Variants in ATP6V0E1 observed in about 807,000 individuals in gnomAD.
ATP6V0E1 encodes the protein V-type proton ATPase subunit e 1.
A neutral mutation model predicts 11.6 loss-of-function variants in ATP6V0E1; 4 were observed. The observed-to-expected ratio is 0.35, with a 90% CI of 0.17 to 0.79. The LOEUF (loss-of-function observed/expected upper bound fraction) is 0.79, where lower values mean the gene tolerates loss of function less well. Among genes scored for constraint, ATP6V0E1 ranks in the 30% least tolerant of loss-of-function variants. The probability of loss-of-function intolerance (pLI) is 0.54; values close to 1 mark genes in which losing one functional copy is unlikely to be tolerated. For synonymous variants in ATP6V0E1, 36 were observed against 34.8 expected, an observed-to-expected ratio of 1.04 and a Z score of -0.13; for missense variants, 105 against 100.0, an observed-to-expected ratio of 1.05 and a Z score of -0.21.
intron 1 of ATP6V0E1, among the ~76,000 whole-genome samples, chr5:172,992,746 GTCTA>G (rs751014285): frequency 2.6e-5 from 4 of 152,088 alleles, no homozygotes; most frequent in African/African-American, 9.7e-5. Flanking sequence ...CTTGTTTGTT[GTCTA>G]TCTATGCCAG....
rs1756334568 is a variant in ATP6V0E1 at position 173,012,076 on chromosome 5, G to A, written c.153-8162G>A. Reference sequence around the variant, plus strand: ...TTTTTGAGTCTTGCTGTGTCACCCAGGCTGGAGTGCAGTGGCCCGATCTCA... The same window carrying A: ...TTTTTGAGTCTTGCTGTGTCACCCAAGCTGGAGTGCAGTGGCCCGATCTCA... On this transcript the variant is annotated intron_variant, in intron 2 of 3. Coordinates refer to ENST00000519374, the MANE Select transcript of ATP6V0E1 (RefSeq NM_003945.4). Among the ~76,000 whole-genome samples the A allele has an allele frequency of 2.0e-5, 3 of 148,064 alleles. No homozygotes were observed. The South Asian group carries it at 6.3e-4, about 31-fold the overall frequency.
Position 173,020,245 on chromosome 5 carries a change from A to G in ATP6V0E1, c.160A>G (p.Ile54Val). The change falls in exon 3 of 4, where the codon ATT becomes GTT. Residue 54 changes from isoleucine (I) to valine (V), a missense_variant. Physicochemically the swap from Ile to Val is conservative, Grantham distance 29 (BLOSUM62 3). Transcript: ENST00000519374. ...CTCCCATCCTTCTTTTAGTTGGCTG[A>G]TTGCAATTCTGGCCCAACTCAACCC... is the stretch of plus-strand genomic sequence containing the variant. ...CSVCCYLFWL[I>V]AILAQLNPLF... The G allele has an allele frequency of 6.2e-7, 1 of 1,612,838 alleles. No individual in the cohort carries two copies. Among genetic ancestry groups the G allele is most frequent in the South Asian group, 1.1e-5 (1 of 91,062 alleles).
chr5:172,996,444 C>T (rs991659719), intron 2 of ATP6V0E1, among the ~76,000 whole-genome samples: 1 of 152,018 alleles, frequency 6.6e-6, no homozygotes, highest in Middle Eastern at 3.2e-3. Flanking sequence ...CACCTGTAGT[C>T]CCAGCTGCTC....
chr5:172,989,358 T>C (rs897413447), intron 1 of ATP6V0E1, among the ~76,000 whole-genome samples: 1 of 152,138 alleles, frequency 6.6e-6, no homozygotes, highest in African/African-American at 2.4e-5. Context: ...AAATTCTCTT[T>C]TGCCCTTTCT....
chr5:173,000,968 T>C (rs1470423433), intron 2 of ATP6V0E1, among the ~76,000 whole-genome samples: 3 of 152,206 alleles, frequency 2.0e-5, no homozygotes, highest in South Asian at 2.1e-4. Context: ...CCCAAAGTGC[T>C]GGGATTACAG....
At chr5:173,000,670 C>A (rs990815483) in intron 2 of ATP6V0E1, among the ~76,000 whole-genome samples, 16 of 151,032 alleles carry the variant, frequency 1.1e-4, no homozygotes, top group Non-Finnish European at 2.2e-4. Context: ...TAGAGTAAAG[C>A]ACAATAAAAA....
rs542489253 is a variant in ATP6V0E1 at position 173,026,087 on chromosome 5, C to CCTGGCTCAAGCAATT, written c.*36+5723_*36+5737dup. Among the ~76,000 whole-genome samples, 16 of 152,200 alleles carry CCTGGCTCAAGCAATT rather than the reference C, an allele frequency of 1.1e-4. No individual in the cohort carries two copies. In the South Asian group the frequency reaches 3.3e-3, roughly 32 times the overall value. ...TGTTAGCTCACTGCAACCTCCGCTT[C>CCTGGCTCAAGCAATT]CTGGCTCAAGCAATTCTCCCACCTC... On this transcript the variant is annotated intron_variant, in intron 3 of 3. Transcript: ENST00000519374.
chr5:173,015,543 C>A (rs1157537797), intron 2 of ATP6V0E1, among the ~76,000 whole-genome samples: 1 of 149,546 alleles, frequency 6.7e-6, no homozygotes, highest in South Asian at 2.1e-4. Context: ...ACCAATGGCC[C>A]GTGATGTAAT....
chr5:172,994,914 A>G, intron 2 of ATP6V0E1, 92 bp downstream of exon 2: 2 of 994,364 alleles, frequency 2.0e-6, no homozygotes, highest in African/African-American at 1.6e-5. Context: ...CTCATGTAAT[A>G]TCTAGAAATA....
chr5:173,001,643 T>C (rs1284894231), intron 2 of ATP6V0E1, among the ~76,000 whole-genome samples: 1 of 152,160 alleles, frequency 6.6e-6, no homozygotes, highest in Non-Finnish European at 1.5e-5. Context: ...CGCAGCACTT[T>C]GGCTGATTGG....
intron 2 of ATP6V0E1, among the ~76,000 whole-genome samples, chr5:172,999,616 C>T (rs1756122397): frequency 6.6e-6 from 1 of 152,218 alleles, no homozygotes; most frequent in African/African-American, 2.4e-5. Flanking sequence ...CGTGAGCCAC[C>T]ACGCCCAGTC....
chr5:172,996,279 G>A (rs1756064999), intron 2 of ATP6V0E1, among the ~76,000 whole-genome samples: 3 of 152,122 alleles, frequency 2.0e-5, no homozygotes, highest in Admixed American at 2.0e-4. Flanking sequence ...TCACATTCCG[G>A]CCAGGATCGG....
At chr5:173,021,536 C>A (rs765761340) in intron 3 of ATP6V0E1, among the ~76,000 whole-genome samples, 2 of 152,024 alleles carry the variant, frequency 1.3e-5, no homozygotes, top group Non-Finnish European at 2.9e-5. Flanking sequence ...CCACCAGGTC[C>A]CTCCCACAAC....
rs765802797 is a variant in ATP6V0E1, at chr5:173,020,274, C to A, written c.189C>A (p.Leu63=). Residue 63 remains leucine, a synonymous_variant, in exon 3 of 4, where the codon CTC becomes CTA. Coordinates refer to ENST00000519374, the MANE Select transcript of ATP6V0E1 (RefSeq NM_003945.4). ...CAATTCTGGCCCAACTCAACCCTCTCTTTGGACCGCAATTGAAAAATGAAA... is the reference window on the plus strand; with the variant it reads ...CAATTCTGGCCCAACTCAACCCTCTATTTGGACCGCAATTGAAAAATGAAA... The part of the protein sequence containing the change: ...LIAILAQLNP[L]FGPQLKNETI... 5 of 1,613,900 alleles carry A rather than the reference C, an allele frequency of 3.1e-6. No homozygotes were observed. Among genetic ancestry groups the A allele is most frequent in the Non-Finnish European group, 3.4e-6 (4 of 1,179,918 alleles).
intron 2 of ATP6V0E1, among the ~76,000 whole-genome samples, chr5:173,003,514 T>C (rs1756188457): frequency 6.6e-6 from 1 of 152,200 alleles, no homozygotes; most frequent in South Asian, 2.1e-4. Flanking sequence ...CTGGCTGCTC[T>C]GTGGAGAACA....
chr5:173,017,871 G>C (rs894724483), intron 2 of ATP6V0E1, among the ~76,000 whole-genome samples: 14 of 142,160 alleles, frequency 9.8e-5, no homozygotes, highest in African/African-American at 3.6e-4. Context: ...GAAAAGAAAA[G>C]AAAGGGATTC....
rs796872975 is a variant in ATP6V0E1 at position 173,026,542 on chromosome 5, TACAC to T, written c.*36+6178_*36+6181del. ...ATTCATTCATATGTATATACACACA[TACAC>T]ACTGCTGTTACAGAACAGATATCAG... On this transcript the variant is annotated intron_variant, in intron 3 of 3. Transcript: ENST00000519374. Among the ~76,000 whole-genome samples, 28 of 152,354 alleles carry T rather than the reference TACAC, an allele frequency of 1.8e-4. 1 individual carries two copies. The highest frequency in any genetic ancestry group is 6.7e-4 in the African/African-American group (28 of 41,590).
intron 3 of ATP6V0E1, among the ~76,000 whole-genome samples, chr5:173,022,226 AG>A (rs1486614009): frequency 1.3e-5 from 2 of 152,110 alleles, no homozygotes; most frequent in Non-Finnish European, 2.9e-5. Flanking sequence ...TTTAGGTTCA[AG>A]TTTTTTGGCT....
At chr5:173,003,973 A>G (rs1756192977) in intron 2 of ATP6V0E1, among the ~76,000 whole-genome samples, 1 of 152,220 alleles carries the variant, frequency 6.6e-6, no homozygotes, top group African/African-American at 2.4e-5. Context: ...TGTACTGCAC[A>G]GGACAGCCTC....
Sources: allele counts gnomAD v4.1 joint callset (sites outside exome capture counted in the v4.1 genomes callset), GRCh38; gene constraint gnomAD v4.1.1; transcripts MANE v1.5; gene names NCBI Gene and HGNC (gene_info 2026-07-23, HGNC 2026-07-21).